The following MYO16 variants were observed in gnomAD, a reference collection of about 807,000 sequenced individuals.
MYO16 encodes unconventional myosin-XVI.
A neutral mutation model predicts 205.3 loss-of-function variants in MYO16; 94 were observed. The ratio of observed to expected loss-of-function variants is 0.46; its 90% CI spans 0.39 to 0.54. The LOEUF is 0.54. MYO16 is among the 20% of genes least tolerant of loss of function. MYO16 has a pLI of 0.00. For missense variants in MYO16, 2,315 were observed against 2,387.5 expected, an observed-to-expected ratio of 0.97 and a Z score of 0.63; for synonymous variants, 988 against 954.0, an observed-to-expected ratio of 1.04 and a Z score of -0.66.
intron 16 of MYO16, among the ~76,000 whole-genome samples, chr13:108,934,272 TTAA>T (rs1471536528): frequency 2.6e-5 from 4 of 152,190 alleles, no homozygotes; most frequent in African/African-American, 4.8e-5. Flanking sequence ...TTTTGACTTT[TTAA>T]TAATAGCCAT....
At chr13:108,544,406 A>T in the MYO16 span, among the ~76,000 whole-genome samples, 1 of 152,168 alleles carries the variant, frequency 6.6e-6, no homozygotes, top group African/African-American at 2.4e-5. Flanking sequence ...TCGTGAGCAC[A>T]TGTGAGGGGT....
At chr13:108,496,908 T>C in the MYO16 span, among the ~76,000 whole-genome samples, 1 of 152,170 alleles carries the variant, frequency 6.6e-6, no homozygotes, top group Non-Finnish European at 1.5e-5. Flanking sequence ...CTGACCTGCG[T>C]CTTCCAAAGG....
chr13:108,626,629 T>A (rs1355747093), upstream of MYO16, among the ~76,000 whole-genome samples: 1 of 151,642 alleles, frequency 6.6e-6, no homozygotes, highest in Non-Finnish European at 1.5e-5. Context: ...CATGGTGAAA[T>A]CTCATGTCTA....
chr13:108,581,472 G>A, the MYO16 span, among the ~76,000 whole-genome samples: 3 of 151,540 alleles, frequency 2.0e-5, no homozygotes, highest in South Asian at 2.1e-4. Flanking sequence ...TATATCTCTC[G>A]CCCTTCTTCT....
At position 109,162,681 on chromosome 13, in the gene MYO16, T is replaced by C. The variant is rs1161372461; in HGVS notation, c.5165-2220T>C. On this transcript the variant is annotated intron_variant, in intron 32 of 34. Transcript: ENST00000457511. The surrounding 1 kb of genome is among the most constrained non-coding windows in gnomAD (Gnocchi z 4.6). ...AGGTACCAGGCAGTGGTATTCATTATGTATCTCCCGCACTCAGTGAGTATC... is the reference window on the plus strand; with the variant it reads ...AGGTACCAGGCAGTGGTATTCATTACGTATCTCCCGCACTCAGTGAGTATC... Among the ~76,000 whole-genome samples, 1 of 152,188 alleles carries C rather than the reference T, an allele frequency of 6.6e-6. No individual in the cohort carries two copies. The highest frequency in any genetic ancestry group is 2.4e-5 in the African/African-American group (1 of 41,438).
At chr13:108,546,889 G>C in the MYO16 span, among the ~76,000 whole-genome samples, 1 of 152,168 alleles carries the variant, frequency 6.6e-6, no homozygotes, top group African/African-American at 2.4e-5. Flanking sequence ...AGGTTGATAA[G>C]TGGTGAATGG....
the MYO16 span, among the ~76,000 whole-genome samples, chr13:108,577,560 C>T: frequency 1.3e-5 from 2 of 152,308 alleles, no homozygotes; most frequent in South Asian, 4.1e-4. Context: ...TTCTGCTCTA[C>T]CCTTCAAGGC....
intron 22 of MYO16, among the ~76,000 whole-genome samples, chr13:109,019,175 T>TA (rs1225106067): frequency 6.6e-6 from 1 of 151,994 alleles, no homozygotes; most frequent in Non-Finnish European, 1.5e-5. Flanking sequence ...GATGAGGTCT[T>TA]ACCATGTTTC....
At chr13:108,877,170 A>G (rs1401152639) in intron 12 of MYO16, among the ~76,000 whole-genome samples, 2 of 152,184 alleles carry the variant, frequency 1.3e-5, no homozygotes, top group African/African-American at 4.8e-5. Context: ...AAAGAGTCCT[A>G]AGAATTGTTT....
intron 7 of MYO16, 116 bp from the exon 8 acceptor site, chr13:108,820,221 G>T: frequency 1.5e-6 from 1 of 670,164 alleles, no homozygotes; most frequent in Non-Finnish European, 2.6e-6. Context: ...CTTCTGAGTG[G>T]GAATGCTGAT....
chr13:108,956,126 A>G (rs1001017403), intron 16 of MYO16, among the ~76,000 whole-genome samples: 3 of 152,212 alleles, frequency 2.0e-5, no homozygotes, highest in African/African-American at 7.2e-5. Context: ...TTTAAAGTCA[A>G]TATGTCTAAT....
intron 7 of MYO16, among the ~76,000 whole-genome samples, chr13:108,808,233 A>G (rs1286217989): frequency 6.6e-6 from 1 of 152,044 alleles, no homozygotes; most frequent in Non-Finnish European, 1.5e-5. Context: ...TGAGTCCTCT[A>G]TGAAAACTAG....
chr13:108,730,427 C>G (rs1385600922), intron 4 of MYO16, among the ~76,000 whole-genome samples: 1 of 152,140 alleles, frequency 6.6e-6, no homozygotes, highest in Admixed American at 6.5e-5. Flanking sequence ...CAGGCTAATA[C>G]AGCATAATTG....
chr13:108,798,643 T>C (rs1232415061), intron 6 of MYO16, among the ~76,000 whole-genome samples: 1 of 151,678 alleles, frequency 6.6e-6, no homozygotes, highest in African/African-American at 2.4e-5. Context: ...TATTATTTAC[T>C]GTGTTAGCAC....
the MYO16 span, among the ~76,000 whole-genome samples, chr13:108,560,767 A>G: frequency 6.6e-6 from 1 of 152,242 alleles, no homozygotes; most frequent in African/African-American, 2.4e-5. Context: ...ACATTTATAA[A>G]TTACATTTTG....
At chr13:108,624,281 C>T (rs113300594) in intron 1 of MYO16, among the ~76,000 whole-genome samples, 501 of 152,260 alleles carry the variant, frequency 3.3e-3, no homozygotes, top group Non-Finnish European at 5.5e-3. Context: ...CTTATTTAGG[C>T]CAACAGTAAT....
intron 1 of MYO16, among the ~76,000 whole-genome samples, chr13:108,643,213 G>A (rs1426047059): frequency 2.6e-5 from 4 of 152,086 alleles, no homozygotes; most frequent in Non-Finnish European, 5.9e-5. Context: ...TGTTTTTATA[G>A]CTTTGCCTTT....
chr13:109,140,116 G>A lies in MYO16; in HGVS notation c.4052-148G>A, dbSNP rs1412029160. 1 of 1,381,886 alleles carries A rather than the reference G, an allele frequency of 7.2e-7. No homozygotes were observed. Among genetic ancestry groups the A allele is most frequent in the East Asian group, 2.8e-5 (1 of 36,036 alleles). The allele number at this position is 1,381,886 out of a possible 1,614,324, so 85.6% of individuals were successfully genotyped here. On this transcript the variant is annotated intron_variant, in intron 31 of 34. Coordinates refer to ENST00000457511, the MANE Select transcript of MYO16 (RefSeq NM_001198950.3). This position sits in a 1 kb window ranked among gnomAD's most constrained non-coding sequence, Gnocchi z 8.0. ...TCTCAGGAGTTCGGGTTCAGCCAGG[G>A]AGCCTAGTGGGTGGAGGAACATGCA... is the stretch of plus-strand genomic sequence containing the variant.
At chr13:108,888,546 G>T in intron 14 of MYO16, 69 bp downstream of exon 14, 1 of 1,096,924 alleles carries the variant, frequency 9.1e-7, no homozygotes, top group South Asian at 1.5e-5. Flanking sequence ...TTACAAATAG[G>T]GGAGGGGACA....
Sources: gnomAD v4.1 joint callset for allele counts (sites outside exome capture counted in the v4.1 genomes callset) on GRCh38, gnomAD v4.1.1 for gene constraint, Gnocchi (gnomAD v3.1) non-coding constraint, MANE v1.5 for transcripts, NCBI Gene and HGNC (gene_info 2026-07-23, HGNC 2026-07-21) for gene names.